The following ZNF787 variants were observed in gnomAD, a reference collection of about 807,000 sequenced individuals.
ZNF787 encodes TTF-I-interacting peptide 20.
ZNF787 carries 7 observed loss-of-function variants against 16.9 expected under a neutral mutation model. The ratio of observed to expected loss-of-function variants is 0.42; its 90% CI spans 0.24 to 0.78. ZNF787 has a LOEUF of 0.78. ZNF787 is among the 30% of genes least tolerant of loss of function. ZNF787 has a pLI of 0.30. For synonymous variants in ZNF787, 345 were observed against 270.9 expected, an observed-to-expected ratio of 1.27 and a Z score of -2.69; for missense variants, 551 against 589.3, an observed-to-expected ratio of 0.94 and a Z score of 0.67.
At chr19:56,114,145 A>G (rs1254889054) in intron 1 of ZNF787, among the ~76,000 whole-genome samples, 1 of 152,140 alleles carries the variant, frequency 6.6e-6, no homozygotes, top group African/African-American at 2.4e-5. Context: ...CAGGCACCAC[A>G]GGGTTCCATC....
intron 2 of ZNF787, chr19:56,101,761 C>T (rs893868317): frequency 3.3e-5 from 5 of 152,204 alleles, no homozygotes; most frequent in African/African-American, 7.2e-5. Context: ...AGCAGTGCCG[C>T]GAATCGCTGG....
At chr19:56,103,040 G>A (rs1197345331) in intron 2 of ZNF787, 99 bp downstream of exon 2, 3 of 1,402,194 alleles carry the variant, frequency 2.1e-6, no homozygotes, top group Non-Finnish European at 3.0e-6. Flanking sequence ...CCCAAGAGGG[G>A]AAAACAGGGA....
chr19:56,118,271 C>T (rs894686551), intron 1 of ZNF787, among the ~76,000 whole-genome samples: 1 of 152,206 alleles, frequency 6.6e-6, no homozygotes, highest in Non-Finnish European at 1.5e-5. Flanking sequence ...TTCCGAGCCA[C>T]TTGTGCTTCT....
Position 56,104,622 on chromosome 19 carries a change from C to T in ZNF787, c.-10-1395G>A, listed in dbSNP as rs539209402. 3.9e-3 allele frequency among the ~76,000 whole-genome samples: 599 copies of T among 152,264 alleles called. 3 individuals are homozygous for T. Among genetic ancestry groups the T allele is most frequent in the African/African-American group, 0.013 (537 of 41,546 alleles). ...GTCTCTACACATGACACCACCAAACCGTGCCATGCACCAAGAGGATCTCTA... is the reference window on the plus strand; with the variant it reads ...GTCTCTACACATGACACCACCAAACTGTGCCATGCACCAAGAGGATCTCTA... On this transcript the variant is annotated intron_variant, in intron 1 of 2. Coordinates refer to ENST00000610935, the MANE Select transcript of ZNF787 (RefSeq NM_001002836.4).
chr19:56,120,867 ACGCGCACGCGCGCGCCCTGGACCCGGACC>A (rs2030273917), intron 1 of ZNF787, among the ~76,000 whole-genome samples: 1 of 19,616 alleles, frequency 5.1e-5, no homozygotes, highest in South Asian at 1.5e-3. Context: ...TGCCCCCGCC[ACGCGCACGCGCGCGCCCTGGACCCGGACC>A]CGCGCACGCG....
chr19:56,116,310 C>T (rs1008648778), intron 1 of ZNF787, among the ~76,000 whole-genome samples: 3 of 152,068 alleles, frequency 2.0e-5, no homozygotes, highest in Non-Finnish European at 4.4e-5. Context: ...GGCATGGTGG[C>T]GGGCGCCTGT....
intron 1 of ZNF787, among the ~76,000 whole-genome samples, chr19:56,106,530 C>T (rs1188878944): frequency 6.6e-6 from 1 of 152,264 alleles, no homozygotes; most frequent in South Asian, 2.1e-4. Context: ...TGGAGGCGGG[C>T]ACAACCCTCG....
chr19:56,113,482 G>A (rs1196690804), intron 1 of ZNF787, among the ~76,000 whole-genome samples: 1 of 152,218 alleles, frequency 6.6e-6, no homozygotes, highest in African/African-American at 2.4e-5. Context: ...TGTCCATATG[G>A]ATGAACTAAC....
intron 1 of ZNF787, 123 bp downstream of exon 1, chr19:56,121,025 TCACGCCCCCCCAGCAGCGCGCACG>T (rs1476434409): frequency 4.9e-5 from 2 of 40,662 alleles, no homozygotes; most frequent in Non-Finnish European, 9.6e-5. Context: ...GCGCGCCCAC[TCACGCCCCCCCAGCAGCGCGCACG>T]CGCGCCCGCC....
At chr19:56,091,736 G>C (rs1406718502) in intron 2 of ZNF787, among the ~76,000 whole-genome samples, 1 of 152,220 alleles carries the variant, frequency 6.6e-6, no homozygotes, top group African/African-American at 2.4e-5. Context: ...TTACTTAAAA[G>C]GCAGGGCTCT....
chr19:56,117,050 G>T (rs547435012), intron 1 of ZNF787, among the ~76,000 whole-genome samples: 2 of 152,266 alleles, frequency 1.3e-5, no homozygotes, highest in Admixed American at 6.5e-5. Flanking sequence ...GGGCAGGGTG[G>T]GATCTGGCCC....
chr19:56,109,105 TGA>T (rs2029906218), intron 1 of ZNF787, among the ~76,000 whole-genome samples: 1 of 151,834 alleles, frequency 6.6e-6, no homozygotes, highest in Non-Finnish European at 1.5e-5. Context: ...ACATCAAGAG[TGA>T]GAGTGATCTC....
intron 1 of ZNF787, among the ~76,000 whole-genome samples, chr19:56,116,277 T>TA (rs2030135635): frequency 6.6e-6 from 1 of 151,860 alleles, no homozygotes; most frequent in African/African-American, 2.4e-5. Flanking sequence ...CCATCTCTAC[T>TA]AAAAAATACA....
intron 2 of ZNF787, among the ~76,000 whole-genome samples, chr19:56,092,050 C>CCGA: frequency 7.3e-6 from 1 of 137,796 alleles, no homozygotes; most frequent in African/African-American, 3.2e-5. Context: ...GCCGAAGCCT[C>CCGA]ACCCTCACCC....
intron 1 of ZNF787, among the ~76,000 whole-genome samples, chr19:56,120,081 T>G (rs1237208773): frequency 6.6e-6 from 1 of 152,268 alleles, no homozygotes; most frequent in Non-Finnish European, 1.5e-5. Context: ...GACCTCTCCA[T>G]CAGGGGTCTG....
chr19:56,088,101 C>A lies in ZNF787; in HGVS notation c.1071G>T (p.Ala357=). ...CGTCGTCGTCCTCCTCCTCCCCGCC[C>A]GCGCGGTAGTAGCTCTGTCCGCAGC... The part of the protein sequence containing the change: ...CSSCGQSYYR[A]GGEEEDDDDE... Residue 357 remains alanine (A), a synonymous_variant, in exon 3 of 3, where the codon GCG becomes GCT. Coordinates refer to ENST00000610935, the MANE Select transcript of ZNF787 (RefSeq NM_001002836.4). This position sits in a 1 kb window ranked among gnomAD's most constrained non-coding sequence, Gnocchi z 8.6. 1 of 1,524,716 alleles carries A rather than the reference C, an allele frequency of 6.6e-7. No homozygotes were observed. The highest frequency in any genetic ancestry group is 8.7e-7 in the Non-Finnish European group (1 of 1,143,792). 94.4% of individuals were successfully genotyped at this position (1,524,716 alleles called of 1,614,324 possible).
At chr19:56,098,533 A>G (rs60215061) in intron 2 of ZNF787, among the ~76,000 whole-genome samples, 14,980 of 114,554 alleles carry the variant, frequency 0.13, 1,358 homozygotes, top group East Asian at 0.33. Flanking sequence ...GGGTGATGCC[A>G]CCAGGGTGAT....
intron 1 of ZNF787, among the ~76,000 whole-genome samples, chr19:56,105,703 G>A (rs1015301222): frequency 1.3e-5 from 2 of 151,866 alleles, no homozygotes; most frequent in Non-Finnish European, 2.9e-5. Flanking sequence ...CACACCCCAG[G>A]GCCCACACTT....
intron 1 of ZNF787, among the ~76,000 whole-genome samples, chr19:56,107,860 A>G (rs1001550463): frequency 4.0e-5 from 6 of 148,632 alleles, no homozygotes; most frequent in Admixed American, 1.3e-4. Flanking sequence ...AAGGCCGGGC[A>G]TGCTGGGGGC....
Sources: allele counts gnomAD v4.1 joint callset (sites outside exome capture counted in the v4.1 genomes callset), GRCh38; gene constraint gnomAD v4.1.1; non-coding constraint Gnocchi (gnomAD v3.1); transcripts MANE v1.5; gene names NCBI Gene and HGNC (gene_info 2026-07-23, HGNC 2026-07-21).